TECTA: variants seen among roughly 807,000 people sequenced by gnomAD.
TECTA encodes alpha-tectorin.
In TECTA, 128 loss-of-function variants were observed where a neutral mutation model predicts 216.8. That is an observed-to-expected ratio of 0.59 (90% CI 0.51 to 0.68). TECTA has a LOEUF of 0.68. Ranked by LOEUF, TECTA falls within the 30% of genes least tolerant of loss-of-function variation. The pLI is 0.00. For missense variants in TECTA, 2,551 were observed against 2,786.2 expected (o/e 0.92, Z 1.90); for synonymous variants, 1,089 against 1,117.1 (o/e 0.97, Z 0.50).
chr11:121,181,441 TTGC>T (rs1219643482), intron 20 of TECTA, among the ~76,000 whole-genome samples: 7 of 147,098 alleles, frequency 4.8e-5, no homozygotes, highest in South Asian at 2.3e-4. Context: ...TTGGAATGTG[TTGC>T]TGGAGAATTA....
At chr11:121,117,653 A>T (rs1050209799) in intron 6 of TECTA, among the ~76,000 whole-genome samples, 1 of 151,960 alleles carries the variant, frequency 6.6e-6, no homozygotes, top group Non-Finnish European at 1.5e-5. Flanking sequence ...GGACTTGGAC[A>T]GGGCCCTAGA....
intron 20 of TECTA, 137 bp downstream of exon 20, chr11:121,169,062 T>A: frequency 7.4e-7 from 1 of 1,352,754 alleles, no homozygotes; most frequent in Non-Finnish European, 1.0e-6. Context: ...TTAATTCATC[T>A]AATTCTCAAG....
chr11:121,182,690 G>A (rs1186820264), intron 20 of TECTA, among the ~76,000 whole-genome samples: 1 of 151,912 alleles, frequency 6.6e-6, no homozygotes, highest in Non-Finnish European at 1.5e-5. Flanking sequence ...AGTGGATGGG[G>A]CAGGTTGATC....
chr11:121,109,746 A>T, intron 4 of TECTA: 1 of 513,442 alleles, frequency 1.9e-6, no homozygotes, highest in Non-Finnish European at 3.5e-6. Context: ...CCTAAAAAAA[A>T]ACCCTCAAAA....
chr11:121,139,789 T>C (rs17124841), intron 11 of TECTA, among the ~76,000 whole-genome samples: 1,687 of 152,336 alleles, frequency 0.011, 28 homozygotes, highest in African/African-American at 0.039. Context: ...TGAGAGGTTA[T>C]ATTGCCACTG....
At chr11:121,117,089 C>T (rs1946508638) in intron 6 of TECTA, among the ~76,000 whole-genome samples, 1 of 152,204 alleles carries the variant, frequency 6.6e-6, no homozygotes, top group East Asian at 1.9e-4. Context: ...GTGCTATTCA[C>T]TCGATAGTCA....
chr11:121,140,399 G>C (rs983923330), intron 11 of TECTA, among the ~76,000 whole-genome samples: 2 of 152,176 alleles, frequency 1.3e-5, no homozygotes, highest in African/African-American at 4.8e-5. Context: ...CTCCAGGCAT[G>C]TGCTCTGCCC....
At chr11:121,175,875 G>T (rs1406099800) in intron 20 of TECTA, among the ~76,000 whole-genome samples, 1 of 152,218 alleles carries the variant, frequency 6.6e-6, no homozygotes, top group East Asian at 1.9e-4. Flanking sequence ...GGGTGCTCCT[G>T]TGTTGGGTGC....
At position 121,113,254 on chromosome 11, in the gene TECTA, A is replaced by C. The variant is rs1946460369; in HGVS notation, c.624+45A>C. 3.1e-6 allele frequency: 5 copies of C among 1,612,252 alleles called. No individual in the cohort carries two copies. The highest frequency in any genetic ancestry group is 4.2e-6 in the Non-Finnish European group (5 of 1,179,858). On this transcript the variant is annotated intron_variant, in intron 5 of 23. Coordinates refer to ENST00000392793, the MANE Select transcript of TECTA (RefSeq NM_005422.4). The surrounding 1 kb of genome is among the most constrained non-coding windows in gnomAD (Gnocchi z 4.2). ...ATCCCCCGCGTGTTTCCGTCGCTGC[A>C]CTCTCTGCTTCTGTGGCTCAGCATC...
chr11:121,166,964 T>C (rs906014785), intron 18 of TECTA, among the ~76,000 whole-genome samples, 184 bp downstream of exon 18: 2 of 152,232 alleles, frequency 1.3e-5, no homozygotes, highest in African/African-American at 4.8e-5. Context: ...GCTAAGTGAT[T>C]GACGGAGTTG....
At chr11:121,125,903 C>G in intron 8 of TECTA, 31 bp downstream of exon 8, 3 of 1,599,192 alleles carry the variant, frequency 1.9e-6, no homozygotes, top group Non-Finnish European at 2.5e-6. Flanking sequence ...CATGACAGGT[C>G]TCTCTTGTGC....
At chr11:121,153,765 T>A (rs1278323713) in intron 13 of TECTA, among the ~76,000 whole-genome samples, 2 of 152,216 alleles carry the variant, frequency 1.3e-5, no homozygotes, top group Non-Finnish European at 2.9e-5. Context: ...ATCATTTCAC[T>A]TTTTGGACTT....
At chr11:121,164,192 T>C (rs1947028725) in intron 16 of TECTA, among the ~76,000 whole-genome samples, 1 of 152,180 alleles carries the variant, frequency 6.6e-6, no homozygotes, top group Non-Finnish European at 1.5e-5. Flanking sequence ...GGTGAGAACA[T>C]GAAACTCTAC....
Position 121,125,692 on chromosome 11 carries a change from G to A in TECTA, c.1594G>A (p.Gly532Ser), listed in dbSNP as rs577446628. 15 of 1,609,882 alleles carry A rather than the reference G, an allele frequency of 9.3e-6. No individual in the cohort carries two copies. Among genetic ancestry groups the A allele is most frequent in the South Asian group, 5.5e-5 (5 of 91,048 alleles). Residue 532 changes from glycine (G) to serine (S), a missense_variant, in exon 8 of 24, where the codon GGC (glycine) becomes AGC (serine). Gly to Ser is a moderately conservative substitution (Grantham distance 56, BLOSUM62 0). Transcript: ENST00000392793. The stretch of plus-strand genomic sequence containing the variant: ...CTGCGGCTTCCTCAACAAGACAGAC[G>A]GCCCTCTGTGGGAGTGTGGCACTGT... ...DYCGFLNKTDGPLWECGTVVD... is the reference protein window; with the variant it reads ...DYCGFLNKTDSPLWECGTVVD...
Position 121,101,459 on chromosome 11 carries a change from A to G in TECTA, c.-2+17A>G, listed in dbSNP as rs1256688069. ...ACAGAACAGGTTAGTGACATTTTTC[A>G]TAAATACAAATATCTAAATGAATCC... On this transcript the variant is annotated intron_variant, in intron 1 of 23. Coordinates refer to ENST00000392793, the MANE Select transcript of TECTA (RefSeq NM_005422.4). The G allele has an allele frequency of 2.6e-5, 4 of 152,186 alleles. No individual in the cohort carries two copies. Among genetic ancestry groups the G allele is most frequent in the Non-Finnish European group, 2.9e-5 (2 of 68,026 alleles). The allele number at this position is 152,186 out of a possible 1,614,324, so 9.4% of individuals were successfully genotyped here.
chr11:121,103,016 A>T (rs558100664), intron 2 of TECTA, among the ~76,000 whole-genome samples: 25 of 152,342 alleles, frequency 1.6e-4, no homozygotes, highest in African/African-American at 6.0e-4. Flanking sequence ...TATTTCCATT[A>T]AAAGTAGATA....
intron 16 of TECTA, among the ~76,000 whole-genome samples, 199 bp downstream of exon 16, chr11:121,162,569 G>T: frequency 6.6e-6 from 1 of 152,202 alleles, no homozygotes; most frequent in Non-Finnish European, 1.5e-5. Flanking sequence ...ACCCACCTAC[G>T]GCTCCTGTCC....
At chr11:121,168,955 C>A in intron 20 of TECTA, 30 bp downstream of exon 20, 1 of 1,613,808 alleles carries the variant, frequency 6.2e-7, no homozygotes, top group South Asian at 1.1e-5. Context: ...ACAACATTCT[C>A]AGAGCTTCAG....
At chr11:121,122,226 G>A (rs959491122) in intron 7 of TECTA, among the ~76,000 whole-genome samples, 3 of 152,122 alleles carry the variant, frequency 2.0e-5, no homozygotes, top group African/African-American at 7.2e-5. Flanking sequence ...TTGAGGAGGT[G>A]ATTATGTCAT....
Sources: allele counts gnomAD v4.1 joint callset (sites outside exome capture counted in the v4.1 genomes callset), GRCh38; gene constraint gnomAD v4.1.1; non-coding constraint Gnocchi (gnomAD v3.1); transcripts MANE v1.5; gene names NCBI Gene and HGNC (gene_info 2026-07-23, HGNC 2026-07-21).